The following PPFIA4 variants were observed in gnomAD, a reference collection of about 807,000 sequenced individuals.
PPFIA4 encodes the protein liprin-alpha-4.
Under a neutral mutation model 145.7 loss-of-function variants are expected in PPFIA4, and 98 were observed. The ratio of observed to expected loss-of-function variants is 0.67; its 90% CI spans 0.57 to 0.80. PPFIA4 has a LOEUF of 0.80. Ranked by LOEUF, PPFIA4 falls within the 30% of genes least tolerant of loss-of-function variation. The pLI, the probability that PPFIA4 is intolerant of heterozygous loss-of-function variation, is 0.00. For missense variants in PPFIA4, 1,457 were observed against 1,632.7 expected, an observed-to-expected ratio of 0.89 and a Z score of 1.85; for synonymous variants, 628 against 649.6, an observed-to-expected ratio of 0.97 and a Z score of 0.51.
At chr1:203,057,011 T>C in intron 19 of PPFIA4, 61 bp downstream of exon 19, 1 of 1,599,978 alleles carries the variant, frequency 6.3e-7, no homozygotes, top group Admixed American at 1.7e-5. Context: ...AGCAGGAAGG[T>C]GTACTTGGAC....
chr1:203,061,089 T>A, intron 23 of PPFIA4, 57 bp downstream of exon 23: 3 of 1,517,620 alleles, frequency 2.0e-6, no homozygotes. Flanking sequence ...GATACTCCCA[T>A]GAGGATGAGG....
chr1:203,051,972 C>A, intron 14 of PPFIA4, 95 bp downstream of exon 14: 1 of 1,314,616 alleles, frequency 7.6e-7, no homozygotes, highest in Non-Finnish European at 1.1e-6. Flanking sequence ...TGGGGCAAAT[C>A]CTTCCCCTTC....
At chr1:203,029,231 C>T (rs946749458) in intron 1 of PPFIA4, among the ~76,000 whole-genome samples, 5 of 152,154 alleles carry the variant, frequency 3.3e-5, no homozygotes, top group African/African-American at 4.8e-5. Flanking sequence ...CAGAGAGGCT[C>T]GGGTGCTGCA....
At chr1:203,035,156 G>A (rs910429073) in intron 1 of PPFIA4, 11 of 383,498 alleles carry the variant, frequency 2.9e-5, no homozygotes, top group Non-Finnish European at 5.3e-5. Flanking sequence ...CTGGGTGGGT[G>A]TCCGACCCTC....
At chr1:203,045,789 A>T (rs1225023616) in intron 7 of PPFIA4, 52 bp from the exon 8 acceptor site, 1 of 1,611,446 alleles carries the variant, frequency 6.2e-7, no homozygotes, top group South Asian at 1.1e-5. Context: ...TGTAGACAGG[A>T]TGGGGGCAAG....
chr1:203,074,569 C>T lies in PPFIA4; in HGVS notation c.3394-1008C>T, dbSNP rs982331383. Reference sequence around the variant, plus strand: ...GCTGAGAATTTATCAGAGCATTTGACCCACTTGGCACACACAACAAACCCT... The same window carrying T: ...GCTGAGAATTTATCAGAGCATTTGATCCACTTGGCACACACAACAAACCCT... On this transcript the variant is annotated intron_variant, in intron 28 of 29. Coordinates refer to ENST00000295706, the MANE Select transcript of PPFIA4 (RefSeq NM_001304331.2). 2.0e-5 allele frequency among the ~76,000 whole-genome samples: 3 copies of T among 152,012 alleles called. No homozygotes were observed. In the East Asian group the frequency reaches 5.8e-4, roughly 29 times the overall value.
intron 13 of PPFIA4, chr1:203,051,162 A>T (rs907100399): frequency 4.1e-6 from 4 of 985,288 alleles, no homozygotes; most frequent in Admixed American, 6.2e-5. Context: ...TCAGGGTTGG[A>T]ATAGACTCTT....
rs992163985 is a variant in PPFIA4, at chr1:203,048,681, C to T, written c.1323C>T (p.His441=). The T allele has an allele frequency of 1.9e-6, 3 of 1,610,782 alleles. No homozygotes were observed. The highest frequency in any genetic ancestry group is 1.3e-5 in the African/African-American group (1 of 74,932). The change falls in exon 11 of 30, where the codon CAC becomes CAT. Residue 441 remains histidine, a synonymous_variant. Coordinates refer to ENST00000295706, the MANE Select transcript of PPFIA4 (RefSeq NM_001304331.2). The surrounding 1 kb of genome is among the most constrained non-coding windows in gnomAD (Gnocchi z 5.8). The stretch of plus-strand genomic sequence containing the variant: ...AGTCCAACGAGCGTCTGCAGCTCCA[C>T]CTGAAGGAGCGCATGGCTGCCCTGG... The part of the protein sequence containing the change: ...LSESNERLQL[H]LKERMAALEE...
At chr1:203,056,327 G>A (rs777555385) in intron 17 of PPFIA4, 48 bp from the exon 18 acceptor site, 3 of 1,605,778 alleles carry the variant, frequency 1.9e-6, no homozygotes, top group East Asian at 4.5e-5. Context: ...GGGTAGGCAG[G>A]CCCGAGATCT....
chr1:203,076,802 C>G lies in PPFIA4; in HGVS notation c.*412C>G, dbSNP rs2102705920. 1 of 234,348 alleles carries G rather than the reference C, an allele frequency of 4.3e-6. No homozygotes were observed. The highest frequency in any genetic ancestry group is 8.4e-6 in the Non-Finnish European group (1 of 118,590). 14.5% of individuals were successfully genotyped at this position (234,348 alleles called of 1,614,324 possible). On this transcript the variant is annotated 3_prime_UTR_variant, in exon 30 of 30. Transcript: ENST00000295706. ...TTCCAAGAAAGGGTCATTTCAGACG[C>G]AGCCCTGCTTGGGCTATTCAATCTT...
At chr1:203,063,661 C>G in intron 24 of PPFIA4, 167 bp from the exon 25 acceptor site, 1 of 623,442 alleles carries the variant, frequency 1.6e-6, no homozygotes. Flanking sequence ...TCACCTCCCA[C>G]CACTACCAGC....
At position 203,076,031 on chromosome 1, in the gene PPFIA4, C is replaced by A. The variant is rs865775196; in HGVS notation, c.3574+274C>A. 151 of 583,114 alleles carry A rather than the reference C, an allele frequency of 2.6e-4. 1 individual carries two copies. The Middle Eastern group carries it at 2.7e-3, about 11-fold the overall frequency. 36.1% of individuals were successfully genotyped at this position (583,114 alleles called of 1,614,324 possible). ...GTTCGGACCTACTCCTGCTGACCCCCCATCCTCCCGCCCCGGGTCTGACGG... is the reference window on the plus strand; with the variant it reads ...GTTCGGACCTACTCCTGCTGACCCCACATCCTCCCGCCCCGGGTCTGACGG... On this transcript the variant is annotated intron_variant, in intron 29 of 29. Coordinates refer to ENST00000295706, the MANE Select transcript of PPFIA4 (RefSeq NM_001304331.2).
intron 25 of PPFIA4, 39 bp from the exon 26 acceptor site, chr1:203,067,656 C>T (rs1661825516): frequency 3.8e-6 from 6 of 1,564,598 alleles, no homozygotes; most frequent in Non-Finnish European, 5.3e-6. Context: ...GGGAATGTGG[C>T]CCCACTGAGG....
At chr1:203,030,855 A>G (rs560788383) in intron 1 of PPFIA4, among the ~76,000 whole-genome samples, 7 of 152,208 alleles carry the variant, frequency 4.6e-5, no homozygotes, top group African/African-American at 1.7e-4. Flanking sequence ...GACCACACAC[A>G]TTTACTGTCA....
intron 1 of PPFIA4, among the ~76,000 whole-genome samples, chr1:203,029,105 C>A (rs928958361): frequency 5.3e-5 from 8 of 152,086 alleles, no homozygotes; most frequent in Non-Finnish European, 7.4e-5. Flanking sequence ...GAGCTCTAAG[C>A]GAGGATGGCA....
chr1:203,065,994 C>T (rs1661707191), intron 25 of PPFIA4, among the ~76,000 whole-genome samples: 1 of 152,164 alleles, frequency 6.6e-6, no homozygotes, highest in Admixed American at 6.5e-5. Flanking sequence ...TGTAATGTTC[C>T]CAAGGGCTGG....
chr1:203,071,192 C>G (rs1662132376), intron 27 of PPFIA4, among the ~76,000 whole-genome samples: 1 of 126,406 alleles, frequency 7.9e-6, no homozygotes, highest in Admixed American at 9.2e-5. Flanking sequence ...TTTTTTGAGA[C>G]AGAGTCTCAC....
Position 203,055,565 on chromosome 1 carries a change from G to A in PPFIA4, c.1963G>A (p.Ala655Thr), listed in dbSNP as rs1558087182. The A allele has an allele frequency of 6.2e-7, 1 of 1,613,992 alleles. No individual in the cohort carries two copies. Among genetic ancestry groups the A allele is most frequent in the Admixed American group, 1.7e-5 (1 of 60,026 alleles). ...KRGSIPTSLT[A>T]LSLASASPPL... ...TGGTTCCATCCCCACCTCTCTGACGGCCCTGTCCCTGGCCAGCGCGTCCCC... is the reference window on the plus strand; with the variant it reads ...TGGTTCCATCCCCACCTCTCTGACGACCCTGTCCCTGGCCAGCGCGTCCCC... Residue 655 changes from alanine to threonine, a missense_variant, in exon 16 of 30, where the codon GCC (alanine) becomes ACC (threonine). This residue lies in a region of PPFIA4 where 848 missense variants were observed against 1,046.7 expected (regional missense o/e 0.81). Transcript: ENST00000295706. The surrounding 1 kb of genome is among the most constrained non-coding windows in gnomAD (Gnocchi z 4.8).
chr1:203,067,032 A>G (rs1434770102), intron 25 of PPFIA4, among the ~76,000 whole-genome samples: 3 of 152,220 alleles, frequency 2.0e-5, no homozygotes, highest in Non-Finnish European at 2.9e-5. Context: ...CGGATGAACA[A>G]CGTGACTAGT....
Sources: gnomAD v4.1 joint callset for allele counts (sites outside exome capture counted in the v4.1 genomes callset) on GRCh38, gnomAD v4.1.1 for gene constraint, gnomAD v4.1.1 regional missense constraint, Gnocchi (gnomAD v3.1) non-coding constraint, MANE v1.5 for transcripts, NCBI Gene and HGNC (gene_info 2026-07-23, HGNC 2026-07-21) for gene names.